JMJD1C: variants seen among roughly 807,000 people sequenced by gnomAD.
JMJD1C encodes the protein jumonji domain-containing protein 1C.
In JMJD1C, 31 loss-of-function variants were observed where a neutral mutation model predicts 245.3. The observed-to-expected ratio is 0.13, with a 90% CI of 0.09 to 0.17. The LOEUF (loss-of-function observed/expected upper bound fraction) is 0.17, where lower values mean the gene tolerates loss of function less well. Among genes scored for constraint, JMJD1C ranks in the 10% least tolerant of loss-of-function variants. JMJD1C has a pLI of 1.00. For synonymous variants in JMJD1C, 1,057 were observed against 1,017.4 expected (o/e 1.04, Z -0.74); for missense variants, 2,691 against 3,000.2 (o/e 0.90, Z 2.41).
At chr10:63,476,549 C>G (rs1278115238) in intron 1 of JMJD1C, among the ~76,000 whole-genome samples, 1 of 151,886 alleles carries the variant, frequency 6.6e-6, no homozygotes, top group African/African-American at 2.4e-5. Flanking sequence ...ACAGTGAGAC[C>G]CTGTCTCCAC....
chr10:63,395,653 G>T (rs188375809), intron 1 of JMJD1C, among the ~76,000 whole-genome samples: 8 of 152,250 alleles, frequency 5.3e-5, no homozygotes, highest in Non-Finnish European at 1.2e-4. Flanking sequence ...ACCTGTACAT[G>T]AATGTTTAAA....
chr10:63,444,689 G>T (rs1436676909), intron 1 of JMJD1C, among the ~76,000 whole-genome samples: 6 of 136,120 alleles, frequency 4.4e-5, no homozygotes, highest in African/African-American at 1.4e-4. Context: ...GCAATAACAC[G>T]ATCTCAGCTC....
intron 1 of JMJD1C, among the ~76,000 whole-genome samples, chr10:63,387,341 G>T (rs1947687695): frequency 1.3e-5 from 2 of 151,870 alleles, no homozygotes; most frequent in African/African-American, 4.8e-5. Flanking sequence ...CAATCAAAAA[G>T]AAATTTATAA....
chr10:63,232,658 T>C (rs1238900969), intron 3 of JMJD1C, among the ~76,000 whole-genome samples: 3 of 152,188 alleles, frequency 2.0e-5, no homozygotes, highest in Admixed American at 6.5e-5. Context: ...CAACTACTTA[T>C]ATCATTAATT....
intron 1 of JMJD1C, among the ~76,000 whole-genome samples, chr10:63,440,072 T>C (rs1279724371): frequency 6.6e-6 from 1 of 152,168 alleles, no homozygotes; most frequent in Non-Finnish European, 1.5e-5. Context: ...GGATATTTTT[T>C]CAGTAACTAT....
intron 2 of JMJD1C, among the ~76,000 whole-genome samples, chr10:63,348,587 T>A (rs1032138083): frequency 5.3e-5 from 8 of 152,132 alleles, no homozygotes; most frequent in African/African-American, 1.9e-4. Flanking sequence ...ATAATAAGGA[T>A]GTTGTGAAGA....
At chr10:63,323,079 C>T (rs1371182954) in intron 2 of JMJD1C, among the ~76,000 whole-genome samples, 2 of 151,970 alleles carry the variant, frequency 1.3e-5, no homozygotes, top group Non-Finnish European at 2.9e-5. Flanking sequence ...GAAAGAACTG[C>T]CGCCTTGGGC....
chr10:63,180,210 A>G (rs1272702561), intron 22 of JMJD1C, among the ~76,000 whole-genome samples: 3 of 152,126 alleles, frequency 2.0e-5, no homozygotes, highest in South Asian at 2.1e-4. Flanking sequence ...GGGTTTCACT[A>G]TATGTTGGCC....
intron 1 of JMJD1C, among the ~76,000 whole-genome samples, chr10:63,420,257 C>G (rs1167545690): frequency 6.6e-6 from 1 of 151,932 alleles, no homozygotes; most frequent in East Asian, 1.9e-4. Context: ...GAAGAAAAAC[C>G]AGCAGAATCA....
intron 1 of JMJD1C, among the ~76,000 whole-genome samples, chr10:63,405,230 A>G (rs191755094): frequency 8.5e-4 from 130 of 152,242 alleles, no homozygotes; most frequent in Admixed American, 4.8e-3. Context: ...TCAAGACCCA[A>G]AAAGATTAAG....
intron 2 of JMJD1C, among the ~76,000 whole-genome samples, chr10:63,295,954 CGTATATGTGTGT>C (rs1859333939): frequency 7.0e-5 from 2 of 28,414 alleles, no homozygotes; most frequent in Admixed American, 4.6e-4. Context: ...TATATATACA[CGTATATGTGTGT>C]GTGTGTGTGT....
At chr10:63,176,919 A>G (rs907) in intron 23 of JMJD1C, 105,355 of 152,536 alleles carry the variant, frequency 0.69, 38,123 homozygotes, top group Non-Finnish European at 0.81. Flanking sequence ...ACCTTCTAAC[A>G]CTTGAAAAAT....
At chr10:63,188,112 T>A (rs966627021) in intron 18 of JMJD1C, among the ~76,000 whole-genome samples, 1 of 152,240 alleles carries the variant, frequency 6.6e-6, no homozygotes, top group South Asian at 2.1e-4. Flanking sequence ...TTTGAACTAG[T>A]ATCCTAGCTT....
At chr10:63,271,633 C>T (rs1368856544) in intron 2 of JMJD1C, among the ~76,000 whole-genome samples, 1 of 152,074 alleles carries the variant, frequency 6.6e-6, no homozygotes, top group Non-Finnish European at 1.5e-5. Flanking sequence ...CTCACTGCAA[C>T]CACTGCCTCC....
At chr10:63,226,218 T>C (rs1318659239) in intron 3 of JMJD1C, among the ~76,000 whole-genome samples, 1 of 152,148 alleles carries the variant, frequency 6.6e-6, no homozygotes. Context: ...AATAGTCAAA[T>C]ACTCATCAAA....
chr10:63,435,592 T>C (rs141248679), intron 1 of JMJD1C, among the ~76,000 whole-genome samples: 65 of 152,156 alleles, frequency 4.3e-4, no homozygotes, highest in African/African-American at 1.5e-3. Context: ...TGAATTCCAG[T>C]TGAAAATGAC....
chr10:63,358,022 A>C (rs1184746049), intron 2 of JMJD1C, among the ~76,000 whole-genome samples: 2 of 152,106 alleles, frequency 1.3e-5, no homozygotes, highest in Non-Finnish European at 2.9e-5. Context: ...AGAAAAATGG[A>C]ATCAACACCC....
intron 1 of JMJD1C, among the ~76,000 whole-genome samples, chr10:63,477,770 A>C (rs937600361): frequency 8.5e-5 from 13 of 152,180 alleles, no homozygotes; most frequent in African/African-American, 2.7e-4. Context: ...ACATAGTTAA[A>C]ATTAAAAACT....
chr10:63,189,184 C>T lies in JMJD1C; in HGVS notation c.6554G>A (p.Cys2185Tyr). The T allele has an allele frequency of 6.2e-7, 1 of 1,608,590 alleles. No homozygotes were observed. Among genetic ancestry groups the T allele is most frequent in the Non-Finnish European group, 8.5e-7 (1 of 1,177,918 alleles). The stretch of plus-strand genomic sequence containing the variant: ...AATACACACCTGTCCTTGTTTCCAA[C>T]ATTCTTTGAAAAGCTTCCAATTACT... ...NSSNWKLFKECWKQGQPAVVS... is the reference protein window; with the variant it reads ...NSSNWKLFKEYWKQGQPAVVS... Residue 2185 changes from cysteine to tyrosine, a missense_variant, in exon 18 of 26, where the codon TGT becomes TAT. Physicochemically the swap from Cys to Tyr is radical, Grantham distance 194. This residue lies in a region of JMJD1C where 232 missense variants were observed against 416.1 expected (regional missense o/e 0.56). Coordinates refer to ENST00000399262, the MANE Select transcript of JMJD1C (RefSeq NM_032776.3).
Sources: allele counts gnomAD v4.1 joint callset (sites outside exome capture counted in the v4.1 genomes callset), GRCh38; gene constraint gnomAD v4.1.1; regional missense constraint gnomAD v4.1.1; transcripts MANE v1.5; gene names NCBI Gene and HGNC (gene_info 2026-07-23, HGNC 2026-07-21).